CAMK1D: variants seen among roughly 807,000 people sequenced by gnomAD.
CAMK1D encodes calcium/calmodulin-dependent protein kinase type 1D.
Under a neutral mutation model 47.7 loss-of-function variants are expected in CAMK1D, and 9 were observed. That is an observed-to-expected ratio of 0.19 (90% CI 0.11 to 0.33). The LOEUF (loss-of-function observed/expected upper bound fraction) is 0.33. Ranked by LOEUF, CAMK1D falls within the 10% of genes least tolerant of loss-of-function variation. The pLI is 1.00. For missense variants in CAMK1D, 291 were observed against 488.7 expected, an observed-to-expected ratio of 0.60 and a Z score of 3.81; for synonymous variants, 184 against 184.9, an observed-to-expected ratio of 0.99 and a Z score of 0.04.
At chr10:12,555,497 T>C (rs567487395) in intron 2 of CAMK1D, among the ~76,000 whole-genome samples, 91 of 152,336 alleles carry the variant, frequency 6.0e-4, no homozygotes, top group African/African-American at 2.0e-3. Flanking sequence ...CTGAGGAGGA[T>C]TGCAGGAAAT....
chr10:12,747,095 G>A (rs1481551057), intron 3 of CAMK1D, among the ~76,000 whole-genome samples: 1 of 152,062 alleles, frequency 6.6e-6, no homozygotes, highest in Non-Finnish European at 1.5e-5. Context: ...GCAGTGGCAC[G>A]ATCTCGGCTC....
At chr10:12,827,355 T>TTCC (rs1404674938) in intron 10 of CAMK1D, among the ~76,000 whole-genome samples, 24 of 64,574 alleles carry the variant, frequency 3.7e-4, no homozygotes, top group East Asian at 1.5e-3. Flanking sequence ...TCCTTCTTCC[T>TTCC]TTCTTTCTTT....
At chr10:12,383,246 G>A (rs542590174) in intron 1 of CAMK1D, among the ~76,000 whole-genome samples, 1 of 152,142 alleles carries the variant, frequency 6.6e-6, no homozygotes, top group South Asian at 2.1e-4. Flanking sequence ...AATAAAATTA[G>A]AATAGATCTT....
intron 3 of CAMK1D, among the ~76,000 whole-genome samples, chr10:12,701,757 C>T (rs568436516): frequency 2.0e-5 from 3 of 152,302 alleles, no homozygotes; most frequent in Admixed American, 2.0e-4. Context: ...ATCTATGGTT[C>T]TTTTCTCCGA....
rs1326893112 is a variant in CAMK1D, at chr10:12,625,895, A to G, written c.225-40841A>G. ...GGCAAAAGCCATGCACTTGTATAAT[A>G]TTAGACCTGTAGGATCTGTAGAAAA... On this transcript the variant is annotated intron_variant, in intron 2 of 10. Coordinates refer to ENST00000619168, the MANE Select transcript of CAMK1D (RefSeq NM_153498.4). Among the ~76,000 whole-genome samples, 4 of 152,206 alleles carry G rather than the reference A, an allele frequency of 2.6e-5. 1 individual carries two copies. The highest frequency in any genetic ancestry group is 7.2e-5 in the African/African-American group (3 of 41,454).
At chr10:12,459,469 C>T (rs940064539) in intron 1 of CAMK1D, among the ~76,000 whole-genome samples, 32 of 151,860 alleles carry the variant, frequency 2.1e-4, no homozygotes, top group African/African-American at 7.5e-4. Context: ...TAAAAAAATT[C>T]CTCTTCACTG....
At chr10:12,741,602 C>T (rs1588874616) in intron 3 of CAMK1D, among the ~76,000 whole-genome samples, 1 of 149,844 alleles carries the variant, frequency 6.7e-6, no homozygotes, top group Non-Finnish European at 1.5e-5. Context: ...ACATGTTCAG[C>T]ATTTACAAAT....
intron 1 of CAMK1D, among the ~76,000 whole-genome samples, chr10:12,497,501 G>C (rs887998174): frequency 6.8e-6 from 1 of 148,104 alleles, no homozygotes; most frequent in Admixed American, 6.7e-5. Flanking sequence ...AAAAAAAGTT[G>C]TATTTCTTTT....
chr10:12,457,078 G>C (rs909287369), intron 1 of CAMK1D, among the ~76,000 whole-genome samples: 2 of 152,094 alleles, frequency 1.3e-5, no homozygotes, highest in Non-Finnish European at 1.5e-5. Context: ...CTATGCAGCT[G>C]TTAAAGAGAA....
At chr10:12,540,786 G>C (rs1312041548) in intron 1 of CAMK1D, among the ~76,000 whole-genome samples, 1 of 152,188 alleles carries the variant, frequency 6.6e-6, no homozygotes, top group Non-Finnish European at 1.5e-5. Context: ...AGATGAGAAC[G>C]TTTCAGTAAG....
intron 4 of CAMK1D, 21 bp downstream of exon 4, chr10:12,761,107 C>A: frequency 6.2e-7 from 1 of 1,608,454 alleles, no homozygotes; most frequent in Non-Finnish European, 8.5e-7. Flanking sequence ...CGCTCAGCAG[C>A]ATCCTGCAGC....
rs80259835 is a variant in CAMK1D, at chr10:12,787,367, A to T, written c.566-3791A>T. Among the ~76,000 whole-genome samples the T allele has an allele frequency of 2.9e-3, 441 of 152,326 alleles. 6 individuals are homozygous for T. In the East Asian group the frequency reaches 0.05, roughly 17 times the overall value. ...TTTTTCTGAGCAATGGATGGTGGCC[A>T]GTATGTTCCTCATTCTAACAGATGA... On this transcript the variant is annotated intron_variant, in intron 5 of 10. Transcript: ENST00000619168.
At chr10:12,652,514 C>G (rs7907593) in intron 2 of CAMK1D, among the ~76,000 whole-genome samples, 2 of 151,336 alleles carry the variant, frequency 1.3e-5, no homozygotes, top group Non-Finnish European at 2.9e-5. Flanking sequence ...TGTGACCCCA[C>G]GAGGCGGAGC....
At chr10:12,815,546 C>G (rs534511176) in intron 7 of CAMK1D, among the ~76,000 whole-genome samples, 110 of 152,372 alleles carry the variant, frequency 7.2e-4, no homozygotes, top group African/African-American at 2.5e-3. Context: ...GCACAGCCTT[C>G]CCCCAGAAGC....
chr10:12,711,179 C>T (rs151129282), intron 3 of CAMK1D, among the ~76,000 whole-genome samples: 1,981 of 152,218 alleles, frequency 0.013, 23 homozygotes, highest in Non-Finnish European at 0.019. Flanking sequence ...AAGAGAAAAC[C>T]GCCTGTTTCA....
intron 1 of CAMK1D, among the ~76,000 whole-genome samples, chr10:12,525,489 C>G (rs563968996): frequency 1.3e-5 from 2 of 151,766 alleles, no homozygotes; most frequent in Non-Finnish European, 2.9e-5. Context: ...TTGTCATCTA[C>G]GTTTTGTTAT....
chr10:12,570,195 G>A (rs1005949361), intron 2 of CAMK1D, among the ~76,000 whole-genome samples: 34 of 151,612 alleles, frequency 2.2e-4, no homozygotes, highest in African/African-American at 7.0e-4. Context: ...GTGAGACTAC[G>A]TCTCAAAAAA....
chr10:12,734,322 CAAAAAAA>C lies in CAMK1D; in HGVS notation c.300-26608_300-26602del, dbSNP rs1201573872. ...TGGGCAACACAGCGAGACTCCATCT[CAAAAAAA>C]AAAAAAAAAAAAAAAAATATATATA... On this transcript the variant is annotated intron_variant, in intron 3 of 10. Transcript: ENST00000619168. Among the ~76,000 whole-genome samples the C allele has an allele frequency of 6.8e-4, 16 of 23,576 alleles. No individual in the cohort carries two copies. The South Asian group carries it at 9.6e-3, about 14-fold the overall frequency. 15.5% of individuals were successfully genotyped at this position (23,576 alleles called of 152,430 possible). A position where few individuals can be genotyped will look rare whatever the true frequency, so the allele number is the denominator to read the frequency against.
At chr10:12,574,453 C>T (rs1837427340) in intron 2 of CAMK1D, among the ~76,000 whole-genome samples, 1 of 150,070 alleles carries the variant, frequency 6.7e-6, no homozygotes, top group African/African-American at 2.5e-5. Flanking sequence ...AGGTGCACAC[C>T]ACCACGCCTA....
Sources: allele counts gnomAD v4.1 joint callset (sites outside exome capture counted in the v4.1 genomes callset), GRCh38; gene constraint gnomAD v4.1.1; transcripts MANE v1.5; gene names NCBI Gene and HGNC (gene_info 2026-07-23, HGNC 2026-07-21).